The following ATRNL1 variants were observed in gnomAD, a reference collection of about 807,000 sequenced individuals.
ATRNL1 encodes attractin-like protein 1.
In ATRNL1, 95 loss-of-function variants were observed where a neutral mutation model predicts 182.7. The observed-to-expected ratio is 0.52, with a 90% CI of 0.44 to 0.62. The LOEUF (loss-of-function observed/expected upper bound fraction) is 0.62. ATRNL1 is among the 20% of genes least tolerant of loss of function. The pLI, the probability that ATRNL1 is intolerant of heterozygous loss-of-function variation, is 0.00. For synonymous variants in ATRNL1, 576 were observed against 568.3 expected (o/e 1.01, Z -0.19); for missense variants, 1,471 against 1,679.5 (o/e 0.88, Z 2.17).
chr10:115,496,429 T>G (rs1554978300), intron 24 of ATRNL1, among the ~76,000 whole-genome samples: 1 of 152,180 alleles, frequency 6.6e-6, no homozygotes, highest in Admixed American at 6.5e-5. Context: ...TTCCCTTCAC[T>G]TATGAAGCTT....
At chr10:115,153,634 C>T (rs1488039385) in intron 5 of ATRNL1, among the ~76,000 whole-genome samples, 1 of 151,984 alleles carries the variant, frequency 6.6e-6, no homozygotes, top group Non-Finnish European at 1.5e-5. Flanking sequence ...AGCGGTCTAT[C>T]AATTTTGTTG....
intron 25 of ATRNL1, among the ~76,000 whole-genome samples, chr10:115,535,735 G>T (rs574151165): frequency 3.9e-5 from 6 of 152,078 alleles, no homozygotes; most frequent in African/African-American, 1.4e-4. Context: ...CCATCTTTGT[G>T]GTTTTATCTA....
chr10:115,714,519 C>T (rs782380644), intron 26 of ATRNL1, among the ~76,000 whole-genome samples: 1 of 152,194 alleles, frequency 6.6e-6, no homozygotes, highest in African/African-American at 2.4e-5. Context: ...TTCTGCCAGG[C>T]GGCCCATTTT....
chr10:115,158,828 C>G (rs1437589226), intron 5 of ATRNL1, among the ~76,000 whole-genome samples: 1 of 151,764 alleles, frequency 6.6e-6, no homozygotes, highest in African/African-American at 2.4e-5. Flanking sequence ...TATTGTAATG[C>G]CAGCAGTTGT....
At chr10:115,184,437 T>TAC (rs1222038403) in intron 8 of ATRNL1, among the ~76,000 whole-genome samples, 2 of 151,184 alleles carry the variant, frequency 1.3e-5, no homozygotes, top group East Asian at 1.9e-4. Context: ...TATATATATA[T>TAC]ACACACAACT....
chr10:115,130,987 T>C (rs1845207115), intron 5 of ATRNL1, among the ~76,000 whole-genome samples: 1 of 152,140 alleles, frequency 6.6e-6, no homozygotes, highest in South Asian at 2.1e-4. Context: ...TGAAATGCTT[T>C]ATTTTGTGTA....
At chr10:115,460,159 T>C (rs1336050127) in intron 21 of ATRNL1, among the ~76,000 whole-genome samples, 1 of 152,206 alleles carries the variant, frequency 6.6e-6, no homozygotes, top group Non-Finnish European at 1.5e-5. Flanking sequence ...GGCTAATCTC[T>C]TGGACCTCTT....
intron 27 of ATRNL1, among the ~76,000 whole-genome samples, chr10:115,737,278 C>A (rs868978046): frequency 0.014 from 2,024 of 149,422 alleles, 47 homozygotes; most frequent in African/African-American, 0.046. Flanking sequence ...ATCCCCCCCC[C>A]CCAAAAAAAA....
At chr10:115,285,464 A>G (rs1413127689) in intron 14 of ATRNL1, among the ~76,000 whole-genome samples, 1 of 152,116 alleles carries the variant, frequency 6.6e-6, no homozygotes, top group African/African-American at 2.4e-5. Flanking sequence ...ATCTAACTTT[A>G]TAGATCAGTA....
At chr10:115,245,518 A>T (rs1850596806) in intron 10 of ATRNL1, among the ~76,000 whole-genome samples, 1 of 151,648 alleles carries the variant, frequency 6.6e-6, no homozygotes, top group Admixed American at 6.6e-5. Context: ...AAAAAAAAAA[A>T]AAAAATCACT....
intron 25 of ATRNL1, among the ~76,000 whole-genome samples, chr10:115,524,033 G>T (rs1319762662): frequency 6.6e-6 from 1 of 152,170 alleles, no homozygotes; most frequent in Admixed American, 6.5e-5. Context: ...TCCATTCATG[G>T]TGGAAGAGGA....
intron 9 of ATRNL1, among the ~76,000 whole-genome samples, chr10:115,226,987 A>G (rs576807217): frequency 3.3e-5 from 5 of 152,090 alleles, no homozygotes; most frequent in Admixed American, 2.0e-4. Context: ...ACAGACAACC[A>G]AGGAAATAAC....
intron 26 of ATRNL1, among the ~76,000 whole-genome samples, chr10:115,675,158 G>A (rs1287262745): frequency 2.0e-5 from 3 of 152,096 alleles, no homozygotes; most frequent in Non-Finnish European, 4.4e-5. Context: ...TAGGTGGGAG[G>A]ATTGCTTGAA....
rs782566256 is a variant in ATRNL1, at chr10:115,394,612, T to C, written c.3176-47T>C. The C allele has an allele frequency of 5.2e-6, 7 of 1,345,990 alleles. No individual in the cohort carries two copies. In the African/African-American group the frequency reaches 7.2e-5, roughly 14 times the overall value. The allele number at this position is 1,345,990 out of a possible 1,614,324, so 83.4% of individuals were successfully genotyped here. A position where few individuals can be genotyped will look rare whatever the true frequency, so the allele number is the denominator to read the frequency against. On this transcript the variant is annotated intron_variant, in intron 19 of 28. Transcript: ENST00000355044. ...TAATACTTGAAATGTGAAATGTGCATGTTTGTGATGTAGAATATTCAATAT... is the reference window on the plus strand; with the variant it reads ...TAATACTTGAAATGTGAAATGTGCACGTTTGTGATGTAGAATATTCAATAT...
rs782157017 is a variant in ATRNL1, at chr10:115,442,303, C to CTCTCTCTCTCTCTCTCTCTGTGTG, written c.3322+16002_3322+16003insCTCTCTCTCTCTCTCTCTGTGTGT. Among the ~76,000 whole-genome samples the CTCTCTCTCTCTCTCTCTCTGTGTG allele has an allele frequency of 1.2e-3, 148 of 123,834 alleles. 1 individual carries two copies. Among genetic ancestry groups the CTCTCTCTCTCTCTCTCTCTGTGTG allele is most frequent in the Non-Finnish European group, 1.5e-3 (85 of 57,942 alleles). 81.2% of individuals were successfully genotyped at this position (123,834 alleles called of 152,430 possible). A position where few individuals can be genotyped will look rare whatever the true frequency, so the allele number is the denominator to read the frequency against. ...TCTCTCTCTCTCTCTCTCTCTCTCT[C>CTCTCTCTCTCTCTCTCTCTGTGTG]TGTGTGTATGTGTGTGTGTAAACAA... On this transcript the variant is annotated intron_variant, in intron 21 of 28. Coordinates refer to ENST00000355044, the MANE Select transcript of ATRNL1 (RefSeq NM_207303.4).
intron 13 of ATRNL1, among the ~76,000 whole-genome samples, chr10:115,279,620 G>T (rs782203955): frequency 6.6e-6 from 1 of 152,144 alleles, no homozygotes; most frequent in Admixed American, 6.6e-5. Flanking sequence ...TAATGTTTGC[G>T]ACAGATTTCT....
At chr10:115,373,139 G>T (rs1857482877) in intron 19 of ATRNL1, among the ~76,000 whole-genome samples, 2 of 151,892 alleles carry the variant, frequency 1.3e-5, no homozygotes, top group South Asian at 4.1e-4. Context: ...TTATAAATGA[G>T]ATTATTTCTT....
At chr10:115,323,872 G>C (rs533505826) in intron 18 of ATRNL1, among the ~76,000 whole-genome samples, 55 of 151,982 alleles carry the variant, frequency 3.6e-4, no homozygotes, top group African/African-American at 1.3e-3. Context: ...CCACCTCCCG[G>C]GTTCACGCCA....
At chr10:115,500,771 C>T (rs1849787211) in intron 24 of ATRNL1, among the ~76,000 whole-genome samples, 1 of 151,704 alleles carries the variant, frequency 6.6e-6, no homozygotes, top group South Asian at 2.1e-4. Context: ...GAACTCCCGA[C>T]CTCAGGTGAT....
Sources: allele counts gnomAD v4.1 joint callset (sites outside exome capture counted in the v4.1 genomes callset), GRCh38; gene constraint gnomAD v4.1.1; transcripts MANE v1.5; gene names NCBI Gene and HGNC (gene_info 2026-07-23, HGNC 2026-07-21).